Variants in TTC29 observed in about 807,000 individuals in gnomAD.
The protein encoded by TTC29 is tetratricopeptide repeat protein 29.
In TTC29, 49 loss-of-function variants were observed where a neutral mutation model predicts 58.1. That is an observed-to-expected ratio of 0.84 (90% confidence interval 0.67 to 1.07). The LOEUF is 1.07. TTC29 is among the 50% of genes least tolerant of loss of function. The pLI, the probability that TTC29 is intolerant of heterozygous loss-of-function variation, is 0.00. For synonymous variants in TTC29, 209 were observed against 196.8 expected (o/e 1.06, Z -0.52); for missense variants, 582 against 555.6 (o/e 1.05, Z -0.48).
chr4:146,722,161 C>T lies in TTC29; in HGVS notation c.1331-14610G>A, dbSNP rs553211685. ...AACTGCAAAATACTGCTCAAAGAAA[C>T]CATAGATGACACAAACCAATGGAAA... On this transcript the variant is annotated intron_variant, in intron 11 of 12. Transcript: ENST00000325106. Among the ~76,000 whole-genome samples the T allele has an allele frequency of 2.2e-4, 33 of 152,110 alleles. No individual in the cohort carries two copies. The South Asian group carries it at 6.9e-3, about 32-fold the overall frequency.
chr4:146,912,205 G>A (rs546839649), intron 4 of TTC29, among the ~76,000 whole-genome samples: 79 of 152,236 alleles, frequency 5.2e-4, no homozygotes, highest in African/African-American at 1.8e-3. Context: ...TGTGGCCCAC[G>A]GGCACTGGGT....
intron 2 of TTC29, chr4:146,942,512 G>A (rs1580051946): frequency 2.2e-6 from 2 of 899,616 alleles, no homozygotes; most frequent in East Asian, 2.7e-5. Context: ...AGAGCATATG[G>A]TAAGAAGTTA....
intron 10 of TTC29, among the ~76,000 whole-genome samples, chr4:146,816,623 G>A (rs979101561): frequency 2.0e-5 from 3 of 152,064 alleles, no homozygotes; most frequent in African/African-American, 7.2e-5. Flanking sequence ...AGATGGGTAA[G>A]GGAGGCAGGG....
chr4:146,930,069 T>C (rs4835357), intron 4 of TTC29, among the ~76,000 whole-genome samples: 2 of 109,500 alleles, frequency 1.8e-5, no homozygotes, highest in Admixed American at 1.0e-4. Context: ...CTACATATAT[T>C]TGTATGTGTG....
At chr4:146,809,609 A>AACAG (rs1292801901) in intron 10 of TTC29, among the ~76,000 whole-genome samples, 6 of 150,100 alleles carry the variant, frequency 4.0e-5, no homozygotes, top group African/African-American at 1.5e-4. Flanking sequence ...AAAGGATATG[A>AACAG]ACAGACACTT....
Position 146,803,602 on chromosome 4 carries a change from C to A in TTC29, c.1185G>T (p.Glu395Asp), listed in dbSNP as rs973110333. The A allele has an allele frequency of 1.2e-6, 2 of 1,609,080 alleles. No homozygotes were observed. The highest frequency in any genetic ancestry group is 2.7e-5 in the African/African-American group (2 of 74,878). ...TTGCTATTCCATAGTGAACTTTTGT[C>A]TCATCCATCAGAGGCATGCTCATTA... ...VELMSMPLMD[E>D]TKVHYGIAKA... Residue 395 changes from glutamate (E) to aspartate (D), a missense_variant, in exon 11 of 13, where the codon GAG (glutamate) becomes GAT (aspartate). Transcript: ENST00000325106.
chr4:146,724,943 G>A (rs958819735), intron 11 of TTC29, among the ~76,000 whole-genome samples: 5 of 151,948 alleles, frequency 3.3e-5, no homozygotes, highest in Admixed American at 1.3e-4. Flanking sequence ...TGGTTTTTAC[G>A]CAGTTTACAG....
At chr4:146,802,043 C>T (rs1316925475) in intron 11 of TTC29, among the ~76,000 whole-genome samples, 2 of 144,886 alleles carry the variant, frequency 1.4e-5, no homozygotes, top group South Asian at 2.2e-4. Flanking sequence ...AGGATGGCCT[C>T]GAATAGACAT....
rs536484584 is a variant in TTC29 at position 146,813,926 on chromosome 4, G to C, written c.1101+6199C>G. Among the ~76,000 whole-genome samples the C allele has an allele frequency of 3.3e-5, 5 of 152,318 alleles. No individual in the cohort carries two copies. In the South Asian group the frequency reaches 1.0e-3, roughly 32 times the overall value. ...GTGAACCCGGGAGGCAGAGGTTGCA[G>C]TGAGCTGACACCACACCACTGCACT... is the stretch of plus-strand genomic sequence containing the variant. On this transcript the variant is annotated intron_variant, in intron 10 of 12. Coordinates refer to ENST00000325106, the MANE Select transcript of TTC29 (RefSeq NM_031956.4).
intron 5 of TTC29, among the ~76,000 whole-genome samples, chr4:146,906,839 G>C (rs1396460537): frequency 6.6e-6 from 1 of 152,150 alleles, no homozygotes; most frequent in Non-Finnish European, 1.5e-5. Flanking sequence ...TTTGGACTTT[G>C]GGCCAGGTGC....
intron 10 of TTC29, among the ~76,000 whole-genome samples, chr4:146,812,270 T>C (rs770858893): frequency 2.6e-5 from 4 of 152,222 alleles, no homozygotes; most frequent in Non-Finnish European, 4.4e-5. Flanking sequence ...ATTGATATTC[T>C]AATTATATTT....
intron 8 of TTC29, among the ~76,000 whole-genome samples, chr4:146,866,661 A>G (rs1206272172): frequency 6.6e-6 from 1 of 152,156 alleles, no homozygotes; most frequent in Admixed American, 6.6e-5. Context: ...TAAGCATAAG[A>G]GTCATCTAGG....
chr4:146,824,736 C>CA (rs1173675182), intron 9 of TTC29, among the ~76,000 whole-genome samples: 1 of 151,932 alleles, frequency 6.6e-6, no homozygotes, highest in Non-Finnish European at 1.5e-5. Flanking sequence ...TGATCCTGGG[C>CA]TTTTTTGGTT....
intron 8 of TTC29, among the ~76,000 whole-genome samples, chr4:146,836,734 A>G (rs561043267): frequency 1.3e-5 from 2 of 152,306 alleles, no homozygotes; most frequent in East Asian, 3.8e-4. Context: ...GCCAACATGC[A>G]TATGGAAAAA....
intron 11 of TTC29, among the ~76,000 whole-genome samples, chr4:146,775,065 C>T (rs951953882): frequency 6.6e-6 from 1 of 152,110 alleles, no homozygotes; most frequent in Non-Finnish European, 1.5e-5. Flanking sequence ...ATTAGAATAG[C>T]AATCCCTACT....
intron 11 of TTC29, among the ~76,000 whole-genome samples, chr4:146,793,200 T>C (rs1749593287): frequency 6.6e-6 from 1 of 152,160 alleles, no homozygotes; most frequent in African/African-American, 2.4e-5. Flanking sequence ...TTAAGAGAAG[T>C]TCTACAGTGG....
chr4:146,868,771 C>T (rs931851158), intron 7 of TTC29, among the ~76,000 whole-genome samples: 3 of 151,958 alleles, frequency 2.0e-5, no homozygotes, highest in African/African-American at 4.8e-5. Context: ...GCAAGTGATA[C>T]GGTTTTGGTG....
At chr4:146,786,419 G>A (rs1749020420) in intron 11 of TTC29, among the ~76,000 whole-genome samples, 1 of 152,100 alleles carries the variant, frequency 6.6e-6, no homozygotes, top group Non-Finnish European at 1.5e-5. Context: ...AAGATAATTT[G>A]GATGTCACAT....
intron 6 of TTC29, among the ~76,000 whole-genome samples, chr4:146,898,601 T>A (rs1049438689): frequency 5.3e-5 from 8 of 152,230 alleles, no homozygotes; most frequent in Non-Finnish European, 1.2e-4. Context: ...CTTTCTACGT[T>A]GTTCTTACAA....
Sources: gnomAD v4.1 joint callset for allele counts (sites outside exome capture counted in the v4.1 genomes callset) on GRCh38, gnomAD v4.1.1 for gene constraint, MANE v1.5 for transcripts, NCBI Gene and HGNC (gene_info 2026-07-23, HGNC 2026-07-21) for gene names.